The following AKAP9 variants were observed in gnomAD, a reference collection of about 807,000 sequenced individuals.
AKAP9 encodes A-kinase anchor protein 9.
Under a neutral mutation model 488.5 loss-of-function variants are expected in AKAP9, and 311 were observed. The ratio of observed to expected loss-of-function variants is 0.64; its 90% CI spans 0.58 to 0.70. AKAP9 has a LOEUF of 0.70. Ranked by LOEUF, AKAP9 falls within the 30% of genes least tolerant of loss-of-function variation. The pLI is 0.00. For synonymous variants in AKAP9, 1,462 were observed against 1,483.5 expected (o/e 0.99, Z 0.33); for missense variants, 4,215 against 4,374.5 (o/e 0.96, Z 1.03).
chr7:91,946,733 C>T (rs1240123452), intron 1 of AKAP9, among the ~76,000 whole-genome samples: 3 of 151,966 alleles, frequency 2.0e-5, no homozygotes, highest in South Asian at 2.1e-4. Context: ...GAGGAAGGAA[C>T]GTGATGCCCT....
At chr7:91,945,335 C>T (rs1791331319) in intron 1 of AKAP9, among the ~76,000 whole-genome samples, 1 of 152,096 alleles carries the variant, frequency 6.6e-6, no homozygotes, top group African/African-American at 2.4e-5. Flanking sequence ...GGCAAAACCC[C>T]GTCTCTACTA....
intron 3 of AKAP9, among the ~76,000 whole-genome samples, chr7:91,990,062 G>T (rs1797573855): frequency 6.6e-6 from 1 of 151,998 alleles, no homozygotes; most frequent in Non-Finnish European, 1.5e-5. Context: ...TAAGTTATCT[G>T]TACAGATAGA....
Position 91,973,734 on chromosome 7 carries a change from A to G in AKAP9, c.72A>G (p.Lys24=), listed in dbSNP as rs1795351636. Residue 24 remains lysine (K), a synonymous_variant, in exon 2 of 50, where the codon AAA becomes AAG. Transcript: ENST00000356239. ...AGCTTGCCCAGTTTCGACAAAGAAA[A>G]GCTCAGTCGGATGGGCAGAGTCCTT... is the stretch of plus-strand genomic sequence containing the variant. The part of the protein sequence containing the change: ...KAKLAQFRQR[K]AQSDGQSPSK... 1.2e-6 allele frequency: 2 copies of G among 1,614,134 alleles called. No homozygotes were observed. Among genetic ancestry groups the G allele is most frequent in the Non-Finnish European group, 1.7e-6 (2 of 1,180,010 alleles).
intron 8 of AKAP9, among the ~76,000 whole-genome samples, chr7:92,005,932 G>C (rs1462777638): frequency 6.6e-6 from 1 of 152,118 alleles, no homozygotes; most frequent in African/African-American, 2.4e-5. Context: ...GCCTCCCAAA[G>C]TGCTGGGATT....
chr7:92,023,635 C>T (rs190395881), intron 14 of AKAP9, among the ~76,000 whole-genome samples: 1 of 152,172 alleles, frequency 6.6e-6, no homozygotes, highest in African/African-American at 2.4e-5. Context: ...CTAACTCCCC[C>T]CTAAAGTCTG....
intron 18 of AKAP9, chr7:92,041,162 A>G (rs1806043468): frequency 4.8e-6 from 2 of 419,680 alleles, no homozygotes; most frequent in Non-Finnish European, 8.5e-6. Flanking sequence ...CTCCTTTTTC[A>G]AGCACTGGAA....
chr7:92,044,917 A>G, intron 20 of AKAP9, 91 bp from the exon 21 acceptor site: 1 of 965,890 alleles, frequency 1.0e-6, no homozygotes, highest in African/African-American at 1.6e-5. Context: ...TTCAAATCAA[A>G]TATTTTGCAG....
At chr7:92,105,810 C>T in intron 47 of AKAP9, 47 bp downstream of exon 47, 1 of 1,489,790 alleles carries the variant, frequency 6.7e-7, no homozygotes, top group Non-Finnish European at 9.4e-7. Flanking sequence ...CTCTCTAAAT[C>T]AGAGGTCCCC....
intron 12 of AKAP9, among the ~76,000 whole-genome samples, 194 bp from the exon 13 acceptor site, chr7:92,022,044 G>C (rs1446678115): frequency 6.6e-6 from 1 of 152,186 alleles, no homozygotes; most frequent in Non-Finnish European, 1.5e-5. Context: ...TCAGTGCTAT[G>C]AAAGGTATGG....
intron 14 of AKAP9, among the ~76,000 whole-genome samples, chr7:92,025,419 C>T (rs919736606): frequency 1.3e-5 from 2 of 152,196 alleles, no homozygotes; most frequent in African/African-American, 4.8e-5. Flanking sequence ...GAGTTTTACT[C>T]ACCACCGTCC....
In AKAP9 at chr7:92,052,751, T is replaced by C; in HGVS notation, c.5394T>C (p.Tyr1798=). The C allele has an allele frequency of 6.2e-7, 1 of 1,613,076 alleles. No individual in the cohort carries two copies. Among genetic ancestry groups the C allele is most frequent in the Non-Finnish European group, 8.5e-7 (1 of 1,179,178 alleles). ...TTACAGATGAATCCATTCCCTCTTA[T>C]TCTGGAAGTGATATGCCAAGAAATG... ...TRVTDESIPS[Y]SGSDMPRNDI... Residue 1798 remains tyrosine, a synonymous_variant, in exon 22 of 50, where the codon TAT becomes TAC. Transcript: ENST00000356239.
At chr7:92,049,221 A>G (rs928045726) in intron 21 of AKAP9, among the ~76,000 whole-genome samples, 1 of 152,224 alleles carries the variant, frequency 6.6e-6, no homozygotes, top group African/African-American at 2.4e-5. Flanking sequence ...TCTATTTACC[A>G]AACTGGATGT....
intron 28 of AKAP9, among the ~76,000 whole-genome samples, chr7:92,075,731 CTT>C (rs1812478925): frequency 6.6e-6 from 1 of 152,218 alleles, no homozygotes; most frequent in South Asian, 2.1e-4. Context: ...ATATAAAGCA[CTT>C]TGTGCAGTGC....
chr7:92,077,760 A>G lies in AKAP9; in HGVS notation c.6830A>G (p.His2277Arg), dbSNP rs752762680. 2.4e-5 allele frequency: 38 copies of G among 1,613,802 alleles called. No homozygotes were observed. The highest frequency in any genetic ancestry group is 3.1e-5 in the Non-Finnish European group (36 of 1,179,924). The part of the protein sequence containing the change: ...ESDAMSTQDQ[H>R]VLFGKFAQII... Reference sequence around the variant, plus strand: ...GATGCCATGTCTACTCAAGACCAACATGTGCTATTTGGGAAATTTGCTCAA... The same window carrying G: ...GATGCCATGTCTACTCAAGACCAACGTGTGCTATTTGGGAAATTTGCTCAA... Residue 2277 changes from histidine (H) to arginine (R), a missense_variant, in exon 30 of 50, where the codon CAT becomes CGT. His to Arg is a conservative substitution (Grantham distance 29). Coordinates refer to ENST00000356239, the MANE Select transcript of AKAP9 (RefSeq NM_005751.5).
In AKAP9 at chr7:92,093,243, G is replaced by A; in HGVS notation, c.9505G>A (p.Ala3169Thr). 2 of 1,614,098 alleles carry A rather than the reference G, an allele frequency of 1.2e-6. No homozygotes were observed. Among genetic ancestry groups the A allele is most frequent in the Non-Finnish European group, 8.5e-7 (1 of 1,180,018 alleles). Reference protein sequence around the residue: ...MVVAELKSELAQTKLELETTL... With the variant: ...MVVAELKSELTQTKLELETTL... ...GGTTGCTGAACTGAAGAGTGAGCTT[G>A]CACAAACTAAATTGGAACTAGAAAC... Residue 3169 changes from alanine (A) to threonine (T), a missense_variant, in exon 39 of 50, where the codon GCA becomes ACA. Ala to Thr is a moderately conservative substitution (Grantham distance 58). Transcript: ENST00000356239.
chr7:91,996,738 C>T (rs1798453838), intron 7 of AKAP9, among the ~76,000 whole-genome samples: 1 of 152,076 alleles, frequency 6.6e-6, no homozygotes, highest in South Asian at 2.1e-4. Context: ...ATTGTACATG[C>T]AATATAATAC....
rs886471976 is a variant in AKAP9 at position 91,992,229 on chromosome 7, A to G, written c.405+18A>G. ...TATTAAGGGTACAGTATTTAAAACT[A>G]CTTGTGATACTAATGTTGGATACTA... is the stretch of plus-strand genomic sequence containing the variant. On this transcript the variant is annotated intron_variant, in intron 4 of 49. Coordinates refer to ENST00000356239, the MANE Select transcript of AKAP9 (RefSeq NM_005751.5). The G allele has an allele frequency of 6.4e-7, 1 of 1,550,702 alleles. No individual in the cohort carries two copies. Among genetic ancestry groups the G allele is most frequent in the Non-Finnish European group, 8.9e-7 (1 of 1,122,304 alleles).
chr7:91,975,952 C>T (rs1422144828), intron 2 of AKAP9, among the ~76,000 whole-genome samples: 2 of 138,432 alleles, frequency 1.4e-5, no homozygotes, highest in Non-Finnish European at 3.1e-5. Context: ...GACAAAGTCT[C>T]GCTTTGACTT....
At chr7:92,063,506 T>G in intron 24 of AKAP9, 1 of 984,676 alleles carries the variant, frequency 1.0e-6, no homozygotes, top group Non-Finnish European at 1.2e-6. Flanking sequence ...AGCAGGTGTG[T>G]GTATACCATT....
Sources: gnomAD v4.1 joint callset for allele counts (sites outside exome capture counted in the v4.1 genomes callset) on GRCh38, gnomAD v4.1.1 for gene constraint, MANE v1.5 for transcripts, NCBI Gene and HGNC (gene_info 2026-07-23, HGNC 2026-07-21) for gene names.